SNTG2: variants seen among roughly 807,000 people sequenced by gnomAD.
SNTG2 encodes the protein gamma-2-syntrophin.
SNTG2 carries 74 observed loss-of-function variants against 70.9 expected under a neutral mutation model. The ratio of observed to expected loss-of-function variants is 1.04; its 90% CI spans 0.86 to 1.27. The LOEUF is 1.27. Among genes scored for constraint, SNTG2 ranks in the 50% most tolerant of loss-of-function variants. The probability of loss-of-function intolerance (pLI) is 0.00; values close to 1 mark genes in which losing one functional copy is unlikely to be tolerated. For missense variants in SNTG2, 717 were observed against 690.7 expected (o/e 1.04, Z -0.43); for synonymous variants, 278 against 273.8 (o/e 1.02, Z -0.15).
At chr2:997,524 A>T (rs999868904) in intron 1 of SNTG2, among the ~76,000 whole-genome samples, 2 of 152,238 alleles carry the variant, frequency 1.3e-5, no homozygotes, top group East Asian at 3.9e-4. Context: ...TAAAGACTTC[A>T]ATCTGACTGT....
intron 1 of SNTG2, among the ~76,000 whole-genome samples, chr2:1,047,236 T>G (rs1169550855): frequency 6.6e-6 from 1 of 152,216 alleles, no homozygotes; most frequent in Non-Finnish European, 1.5e-5. Context: ...ATTTCATCTT[T>G]AATCTCTTGG....
At chr2:1,093,101 G>A (rs1305228863) in intron 2 of SNTG2, among the ~76,000 whole-genome samples, 8 of 152,136 alleles carry the variant, frequency 5.3e-5, no homozygotes, top group African/African-American at 1.4e-4. Flanking sequence ...AGTATGGTAA[G>A]TGAGGAGGCC....
intron 8 of SNTG2, among the ~76,000 whole-genome samples, chr2:1,184,857 C>T (rs184602375): frequency 6.6e-6 from 1 of 152,292 alleles, no homozygotes; most frequent in East Asian, 1.9e-4. Context: ...TCTCACATTG[C>T]AGAATACAAT....
At chr2:1,006,321 G>GA (rs546449901) in intron 1 of SNTG2, among the ~76,000 whole-genome samples, 19 of 148,286 alleles carry the variant, frequency 1.3e-4, no homozygotes, top group Admixed American at 1.2e-3. Flanking sequence ...TTAAAAAAAA[G>GA]AAAAAAAATG....
intron 16 of SNTG2, among the ~76,000 whole-genome samples, chr2:1,350,392 G>A (rs1467450606): frequency 6.6e-6 from 1 of 152,188 alleles, no homozygotes; most frequent in Non-Finnish European, 1.5e-5. Flanking sequence ...CTGCAACACA[G>A]CTTGCCCCGA....
chr2:1,280,094 C>G (rs779914715), intron 14 of SNTG2, among the ~76,000 whole-genome samples: 1 of 151,886 alleles, frequency 6.6e-6, no homozygotes, highest in Admixed American at 6.6e-5. Context: ...TCAAAAAAAT[C>G]TTTTTTGAAT....
intron 1 of SNTG2, among the ~76,000 whole-genome samples, chr2:975,240 A>C (rs1407115028): frequency 6.6e-6 from 1 of 151,792 alleles, no homozygotes; most frequent in African/African-American, 2.4e-5. Flanking sequence ...CTGTGAGCAA[A>C]CACCACATGC....
chr2:1,306,828 G>A (rs1394828124), intron 14 of SNTG2, among the ~76,000 whole-genome samples: 3 of 151,386 alleles, frequency 2.0e-5, no homozygotes, highest in African/African-American at 7.4e-5. Flanking sequence ...AGTGCGCTGT[G>A]AGCCGCGCTG....
chr2:1,099,078 G>A (rs985980036), intron 4 of SNTG2, among the ~76,000 whole-genome samples: 19 of 152,178 alleles, frequency 1.2e-4, no homozygotes, highest in Non-Finnish European at 2.4e-4. Flanking sequence ...AACCCCCTGC[G>A]GTAAACTCCA....
chr2:951,654 CCTT>C (rs1170219802), intron 1 of SNTG2, among the ~76,000 whole-genome samples: 4 of 152,210 alleles, frequency 2.6e-5, no homozygotes, highest in African/African-American at 7.2e-5. Context: ...TCCCTCTTCA[CCTT>C]CTTATTTTTA....
At chr2:961,558 A>G (rs999975801) in intron 1 of SNTG2, among the ~76,000 whole-genome samples, 1 of 152,170 alleles carries the variant, frequency 6.6e-6, no homozygotes, top group African/African-American at 2.4e-5. Flanking sequence ...GAATTTCTCA[A>G]TTATTGGGTT....
chr2:983,701 G>C (rs1425208936), intron 1 of SNTG2, among the ~76,000 whole-genome samples: 1 of 152,202 alleles, frequency 6.6e-6, no homozygotes, highest in Admixed American at 6.5e-5. Context: ...CATGTCCCTG[G>C]TTGGATTTAA....
intron 1 of SNTG2, among the ~76,000 whole-genome samples, chr2:1,033,215 C>A (rs7581262): frequency 6.6e-6 from 1 of 151,982 alleles, no homozygotes; most frequent in Non-Finnish European, 1.5e-5. Flanking sequence ...GTTGGTACTG[C>A]AGCCTCAGGC....
At chr2:1,049,793 T>C (rs1661952749) in intron 1 of SNTG2, among the ~76,000 whole-genome samples, 1 of 152,224 alleles carries the variant, frequency 6.6e-6, no homozygotes, top group Admixed American at 6.5e-5. Context: ...CTCTACATCT[T>C]CACCGGCATT....
chr2:1,236,459 C>A (rs530555976), intron 9 of SNTG2, among the ~76,000 whole-genome samples: 1 of 152,236 alleles, frequency 6.6e-6, no homozygotes, highest in Non-Finnish European at 1.5e-5. Flanking sequence ...ATGCAGGGGA[C>A]CTGCTTCCTC....
intron 1 of SNTG2, among the ~76,000 whole-genome samples, chr2:1,081,551 C>T (rs904475913): frequency 6.6e-6 from 1 of 152,244 alleles, no homozygotes; most frequent in Non-Finnish European, 1.5e-5. Context: ...AGCAGTCAGG[C>T]TGCAAAGGGC....
At chr2:1,302,435 A>T (rs1680493949) in intron 14 of SNTG2, among the ~76,000 whole-genome samples, 1 of 152,030 alleles carries the variant, frequency 6.6e-6, no homozygotes. Flanking sequence ...AGGAAGGACC[A>T]CTGTGTATAT....
intron 8 of SNTG2, among the ~76,000 whole-genome samples, chr2:1,177,494 T>TAA (rs200179345): frequency 0.017 from 2,409 of 143,094 alleles, 57 homozygotes; most frequent in African/African-American, 0.057. Flanking sequence ...AAATAAAAAT[T>TAA]AAAAAAAAAA....
intron 1 of SNTG2, among the ~76,000 whole-genome samples, chr2:992,649 T>C (rs2147979277): frequency 6.6e-6 from 1 of 152,288 alleles, no homozygotes; most frequent in Middle Eastern, 3.4e-3. Context: ...AGGAATTTGC[T>C]CCCCTTCCAC....
Sources: allele counts gnomAD v4.1 joint callset (sites outside exome capture counted in the v4.1 genomes callset), GRCh38; gene constraint gnomAD v4.1.1; transcripts MANE v1.5; gene names NCBI Gene and HGNC (gene_info 2026-07-23, HGNC 2026-07-21).